The following SPIN1 variants were observed in gnomAD, a reference collection of about 807,000 sequenced individuals.
SPIN1 encodes the protein spindlin-1.
Under a neutral mutation model 26.0 loss-of-function variants are expected in SPIN1, and 3 were observed. That is an observed-to-expected ratio of 0.12 (90% CI 0.05 to 0.30). The LOEUF is 0.30. Among genes scored for constraint, SPIN1 ranks in the 10% least tolerant of loss-of-function variants. The pLI, the probability that SPIN1 is intolerant of heterozygous loss-of-function variation, is 1.00. For missense variants in SPIN1, 126 were observed against 333.4 expected, an observed-to-expected ratio of 0.38 and a Z score of 4.84; for synonymous variants, 101 against 116.5, an observed-to-expected ratio of 0.87 and a Z score of 0.86.
intron 1 of SPIN1, among the ~76,000 whole-genome samples, chr9:88,400,351 A>G (rs1439964772): frequency 6.6e-6 from 1 of 152,234 alleles, no homozygotes; most frequent in African/African-American, 2.4e-5. Flanking sequence ...TGGAAGGAAC[A>G]TAAAGTTGAA....
intron 3 of SPIN1, among the ~76,000 whole-genome samples, chr9:88,453,451 G>A (rs1473413010): frequency 6.6e-6 from 1 of 152,078 alleles, no homozygotes; most frequent in African/African-American, 2.4e-5. Context: ...GCTGGTCTGG[G>A]GAATCTCATT....
chr9:88,471,834 T>A (rs1251281093), intron 5 of SPIN1, among the ~76,000 whole-genome samples: 1 of 152,004 alleles, frequency 6.6e-6, no homozygotes, highest in Non-Finnish European at 1.5e-5. Flanking sequence ...CCTGCTTTTT[T>A]TTTTCCTCCT....
At chr9:88,423,498 G>C (rs963371593) in intron 1 of SPIN1, among the ~76,000 whole-genome samples, 4 of 152,080 alleles carry the variant, frequency 2.6e-5, no homozygotes, top group African/African-American at 9.7e-5. Flanking sequence ...TAGTGCAGTG[G>C]TGCGATCTCG....
At chr9:88,432,213 CAG>C (rs1554694563) in intron 2 of SPIN1, among the ~76,000 whole-genome samples, 1 of 76,872 alleles carries the variant, frequency 1.3e-5, no homozygotes, top group Non-Finnish European at 2.3e-5. Flanking sequence ...TTTTTTGAGA[CAG>C]AGTCTTGCTC....
At chr9:88,442,647 A>G (rs1345432045) in intron 2 of SPIN1, among the ~76,000 whole-genome samples, 1 of 151,646 alleles carries the variant, frequency 6.6e-6, no homozygotes, top group African/African-American at 2.4e-5. Context: ...GGCCTCCCAA[A>G]GTGCTGGGAT....
intron 1 of SPIN1, among the ~76,000 whole-genome samples, chr9:88,403,114 A>G (rs776068435): frequency 6.6e-6 from 1 of 151,998 alleles, no homozygotes; most frequent in Non-Finnish European, 1.5e-5. Flanking sequence ...TCCTTTGCCC[A>G]CTTTTTAGTG....
At chr9:88,464,957 C>G (rs915368297) in intron 4 of SPIN1, among the ~76,000 whole-genome samples, 1 of 152,180 alleles carries the variant, frequency 6.6e-6, no homozygotes, top group African/African-American at 2.4e-5. Context: ...TACACTCTGT[C>G]TCTATGAATT....
At chr9:88,391,962 A>G (rs1826930824) in intron 1 of SPIN1, 1 of 152,226 alleles carries the variant, frequency 6.6e-6, no homozygotes. Context: ...CTGAAAACCC[A>G]AACTCCAGCA....
intron 1 of SPIN1, among the ~76,000 whole-genome samples, chr9:88,422,787 G>A (rs1587788676): frequency 6.7e-6 from 1 of 150,182 alleles, no homozygotes; most frequent in South Asian, 2.1e-4. Flanking sequence ...TCAGCTTACT[G>A]CAACCTCTGC....
At chr9:88,395,924 G>A (rs188226712) in intron 1 of SPIN1, among the ~76,000 whole-genome samples, 7 of 152,146 alleles carry the variant, frequency 4.6e-5, no homozygotes, top group Admixed American at 3.3e-4. Flanking sequence ...GCGCGTGCCT[G>A]TAATCCCAGC....
chr9:88,388,942 G>T (rs1186921501), intron 1 of SPIN1, among the ~76,000 whole-genome samples: 1 of 151,160 alleles, frequency 6.6e-6, no homozygotes, highest in Non-Finnish European at 1.5e-5. Flanking sequence ...GCGGGGAGGG[G>T]GCGCTGCGCC....
At chr9:88,410,186 T>TGC (rs1411877344) in intron 1 of SPIN1, among the ~76,000 whole-genome samples, 68 of 139,120 alleles carry the variant, frequency 4.9e-4, no homozygotes, top group African/African-American at 2.1e-3. Flanking sequence ...TGTGTGTGTG[T>TGC]GTGCAACTTT....
intron 1 of SPIN1, chr9:88,411,052 C>G: frequency 6.3e-7 from 1 of 1,585,566 alleles, no homozygotes. Flanking sequence ...CTCGGTCAGT[C>G]ATGATTTCAA....
At chr9:88,424,873 A>G (rs974696894) in intron 1 of SPIN1, among the ~76,000 whole-genome samples, 2 of 152,330 alleles carry the variant, frequency 1.3e-5, no homozygotes, top group East Asian at 3.9e-4. Context: ...TGATGGGATC[A>G]TGGAGGAAAA....
At chr9:88,437,938 G>A (rs896698375) in intron 2 of SPIN1, among the ~76,000 whole-genome samples, 30 of 151,974 alleles carry the variant, frequency 2.0e-4, no homozygotes, top group Non-Finnish European at 1.5e-5. Flanking sequence ...GGGGGGCAGA[G>A]GCCAGGAGTT....
chr9:88,392,188 T>C (rs1479372764), intron 1 of SPIN1, among the ~76,000 whole-genome samples: 1 of 152,162 alleles, frequency 6.6e-6, no homozygotes, highest in African/African-American at 2.4e-5. Flanking sequence ...GTTATTAGCA[T>C]TTTTTTAATG....
chr9:88,403,553 T>C (rs567735275), intron 1 of SPIN1, among the ~76,000 whole-genome samples: 1 of 151,740 alleles, frequency 6.6e-6, no homozygotes, highest in Admixed American at 6.6e-5. Context: ...TACAGAAAAT[T>C]TAAAAAAATT....
At chr9:88,407,041 C>T (rs148696682) in intron 1 of SPIN1, among the ~76,000 whole-genome samples, 319 of 151,798 alleles carry the variant, frequency 2.1e-3, no homozygotes, top group Non-Finnish European at 4.0e-3. Context: ...TTTCTTCTGC[C>T]CGAAGAACAC....
chr9:88,471,750 C>A (rs2118230557), intron 5 of SPIN1, among the ~76,000 whole-genome samples: 1 of 146,356 alleles, frequency 6.8e-6, no homozygotes, highest in Non-Finnish European at 1.5e-5. Flanking sequence ...GTTTGTATGT[C>A]TGTTGCTGTG....
Sources: gnomAD v4.1 joint callset for allele counts (sites outside exome capture counted in the v4.1 genomes callset) on GRCh38, gnomAD v4.1.1 for gene constraint, MANE v1.5 for transcripts, NCBI Gene and HGNC (gene_info 2026-07-23, HGNC 2026-07-21) for gene names.